The following PTPRD variants were observed in gnomAD, a reference collection of about 807,000 sequenced individuals.
The protein encoded by PTPRD is protein tyrosine phosphatase receptor type D.
PTPRD carries 34 observed loss-of-function variants against 214.5 expected under a neutral mutation model. The observed-to-expected ratio is 0.16, with a 90% CI of 0.12 to 0.21. The LOEUF (loss-of-function observed/expected upper bound fraction) is 0.21, where lower values mean the gene tolerates loss of function less well. PTPRD is among the 10% of genes least tolerant of loss of function. The pLI is 1.00. For missense variants in PTPRD, 2,545 were observed against 2,398.7 expected (o/e 1.06, Z -1.27); for synonymous variants, 1,128 against 845.7 (o/e 1.33, Z -5.79).
chr9:9,345,707 C>T (rs1224261271), intron 9 of PTPRD, among the ~76,000 whole-genome samples: 1 of 151,830 alleles, frequency 6.6e-6, no homozygotes, highest in Non-Finnish European at 1.5e-5. Context: ...TAATGGCTTC[C>T]AGTAGTATGG....
intron 12 of PTPRD, among the ~76,000 whole-genome samples, chr9:8,674,367 A>T (rs1368629288): frequency 1.4e-5 from 2 of 146,474 alleles, no homozygotes; most frequent in Non-Finnish European, 3.0e-5. Flanking sequence ...CTGAGGCAGG[A>T]GAATTGCTTG....
chr9:9,664,177 T>G (rs188064543), intron 7 of PTPRD, among the ~76,000 whole-genome samples: 1 of 150,812 alleles, frequency 6.6e-6, no homozygotes, highest in East Asian at 1.9e-4. Context: ...AGCCTGGCTT[T>G]AAAATTAAAA....
In PTPRD at chr9:8,685,020, G is replaced by A. The variant is rs1002372951; in HGVS notation, c.65-48176C>T. Among the ~76,000 whole-genome samples, 8 of 152,222 alleles carry A rather than the reference G, an allele frequency of 5.3e-5. No homozygotes were observed. In the East Asian group the frequency reaches 1.5e-3, roughly 29 times the overall value. On this transcript the variant is annotated intron_variant, in intron 12 of 45. Coordinates refer to ENST00000381196, the MANE Select transcript of PTPRD (RefSeq NM_002839.4). ...AGATGCTCTTCTGGGGATGGGCTGT[G>A]TTTGCATCCGGGGCTGGATGTCAAG...
chr9:9,295,772 G>T (rs183147785), intron 9 of PTPRD, among the ~76,000 whole-genome samples: 1 of 151,904 alleles, frequency 6.6e-6, no homozygotes, highest in East Asian at 2.0e-4. Flanking sequence ...CCAGGGTGGG[G>T]AACACGGAAG....
intron 16 of PTPRD, 151 bp downstream of exon 16, chr9:8,527,194 T>C: frequency 2.8e-6 from 2 of 721,306 alleles, no homozygotes; most frequent in Non-Finnish European, 4.6e-6. Context: ...ATAACAGTTC[T>C]GTGGAGGTGT....
At chr9:10,496,035 A>G (rs540941789) in intron 2 of PTPRD, among the ~76,000 whole-genome samples, 2 of 151,930 alleles carry the variant, frequency 1.3e-5, no homozygotes, top group South Asian at 2.1e-4. Context: ...TTTTTAAATT[A>G]TTGTATTATT....
intron 10 of PTPRD, among the ~76,000 whole-genome samples, chr9:9,058,651 G>A (rs1337226077): frequency 6.6e-6 from 1 of 150,560 alleles, no homozygotes; most frequent in African/African-American, 2.4e-5. Flanking sequence ...GGGTTTCACC[G>A]TGTTAGCCAG....
At position 9,112,154 on chromosome 9, in the gene PTPRD, G is replaced by T. The variant is rs75233565; in HGVS notation, c.-143+71150C>A. Among the ~76,000 whole-genome samples the T allele has an allele frequency of 4.6e-3, 701 of 152,176 alleles. 5 individuals are homozygous for T. The highest frequency in any genetic ancestry group is 0.021 in the South Asian group (101 of 4,820). Reference sequence around the variant, plus strand: ...AATAATTCCACCTGTTTTGTAGCTGGCACTGATCCTTTTTGGCATGAAAAA... The same window carrying T: ...AATAATTCCACCTGTTTTGTAGCTGTCACTGATCCTTTTTGGCATGAAAAA... On this transcript the variant is annotated intron_variant, in intron 10 of 45. Coordinates refer to ENST00000381196, the MANE Select transcript of PTPRD (RefSeq NM_002839.4).
intron 2 of PTPRD, among the ~76,000 whole-genome samples, chr9:10,600,270 T>G (rs891139474): frequency 6.6e-6 from 1 of 151,652 alleles, no homozygotes; most frequent in African/African-American, 2.4e-5. Flanking sequence ...TTAAAAAAAG[T>G]TTTCTGGAAT....
At chr9:9,434,651 G>A (rs2084497985) in intron 8 of PTPRD, among the ~76,000 whole-genome samples, 1 of 152,004 alleles carries the variant, frequency 6.6e-6, no homozygotes, top group African/African-American at 2.4e-5. Context: ...AACTAAAACA[G>A]CATGGTACTG....
chr9:8,826,221 A>G (rs1409677239), intron 11 of PTPRD, among the ~76,000 whole-genome samples: 1 of 152,128 alleles, frequency 6.6e-6, no homozygotes, highest in Non-Finnish European at 1.5e-5. Flanking sequence ...CAGACTACCT[A>G]TAATAGCTTC....
At chr9:8,357,179 G>A (rs1244805984) in intron 39 of PTPRD, among the ~76,000 whole-genome samples, 1 of 152,170 alleles carries the variant, frequency 6.6e-6, no homozygotes, top group Non-Finnish European at 1.5e-5. Flanking sequence ...ATTCTTCTTC[G>A]AAGGGCAGAG....
intron 12 of PTPRD, among the ~76,000 whole-genome samples, chr9:8,671,106 T>A (rs1596520269): frequency 6.6e-6 from 1 of 152,076 alleles, no homozygotes; most frequent in Non-Finnish European, 1.5e-5. Flanking sequence ...GAGTATCAGC[T>A]TGAAAAAGGA....
chr9:8,873,245 A>C (rs192623221), intron 11 of PTPRD, among the ~76,000 whole-genome samples: 6 of 152,138 alleles, frequency 3.9e-5, no homozygotes, highest in African/African-American at 1.4e-4. Flanking sequence ...CTTTATATAC[A>C]TGGCCTCACT....
intron 2 of PTPRD, among the ~76,000 whole-genome samples, chr9:10,431,687 G>T (rs1333884557): frequency 6.6e-6 from 1 of 152,096 alleles, no homozygotes; most frequent in Non-Finnish European, 1.5e-5. Context: ...ATGAAAAAAT[G>T]CTCGTCATCA....
At chr9:9,193,967 AAC>A (rs1227937315) in intron 9 of PTPRD, among the ~76,000 whole-genome samples, 2 of 152,154 alleles carry the variant, frequency 1.3e-5, no homozygotes, top group African/African-American at 2.4e-5. Context: ...AACAGCTTAA[AAC>A]ACAGACCTAT....
intron 39 of PTPRD, among the ~76,000 whole-genome samples, chr9:8,350,019 T>C (rs958503562): frequency 2.0e-5 from 3 of 151,976 alleles, no homozygotes; most frequent in Non-Finnish European, 2.9e-5. Flanking sequence ...TAAACAAGTA[T>C]GCCTACTAGG....
intron 12 of PTPRD, among the ~76,000 whole-genome samples, chr9:8,646,506 T>C (rs770685147): frequency 6.6e-6 from 1 of 152,166 alleles, no homozygotes; most frequent in Non-Finnish European, 1.5e-5. Context: ...AATTCTCTCA[T>C]CTCGATGCCT....
At chr9:10,309,571 G>A (rs1337598884) in intron 3 of PTPRD, among the ~76,000 whole-genome samples, 4 of 149,950 alleles carry the variant, frequency 2.7e-5, no homozygotes, top group Admixed American at 6.7e-5. Flanking sequence ...CACCATGTTG[G>A]TCAGGCTGGT....
Sources: allele counts gnomAD v4.1 joint callset (sites outside exome capture counted in the v4.1 genomes callset), GRCh38; gene constraint gnomAD v4.1.1; transcripts MANE v1.5; gene names NCBI Gene and HGNC (gene_info 2026-07-23, HGNC 2026-07-21).